Variants in IQSEC1 observed in about 807,000 individuals in gnomAD.
The protein encoded by IQSEC1 is IQ motif and Sec7 domain ArfGEF 1, also known as IQ motif and SEC7 domain-containing protein 1.
IQSEC1 carries 31 observed loss-of-function variants against 91.0 expected under a neutral mutation model. The ratio of observed to expected loss-of-function variants is 0.34; its 90% confidence interval spans 0.26 to 0.46. IQSEC1 has a LOEUF of 0.46. Ranked by LOEUF, IQSEC1 falls within the 20% of genes least tolerant of loss-of-function variation. The probability of loss-of-function intolerance (pLI) is 1.00; values close to 1 mark genes in which losing one functional copy is unlikely to be tolerated. For synonymous variants in IQSEC1, 699 were observed against 662.6 expected, an observed-to-expected ratio of 1.05 and a Z score of -0.84; for missense variants, 1,388 against 1,575.6, an observed-to-expected ratio of 0.88 and a Z score of 2.02.
At chr3:13,243,691 T>C (rs1695060402) in intron 1 of IQSEC1, among the ~76,000 whole-genome samples, 1 of 152,168 alleles carries the variant, frequency 6.6e-6, no homozygotes, top group Non-Finnish European at 1.5e-5. Context: ...ATGCGCTTCC[T>C]CTTCACTGTC....
intron 12 of IQSEC1, among the ~76,000 whole-genome samples, chr3:12,906,764 G>A (rs966230857): frequency 1.3e-5 from 2 of 152,214 alleles, no homozygotes; most frequent in Non-Finnish European, 2.9e-5. Flanking sequence ...GCCCTGGGGC[G>A]GATGGCGCTC....
rs1694105153 is a variant in IQSEC1, at chr3:12,900,320, G to T, written c.*663C>A. The T allele has an allele frequency of 7.1e-6, 7 of 984,470 alleles. No individual in the cohort carries two copies. The highest frequency in any genetic ancestry group is 4.7e-5 in the South Asian group (1 of 21,264). 61.0% of individuals were successfully genotyped at this position (984,470 alleles called of 1,614,324 possible). On this transcript the variant is annotated 3_prime_UTR_variant, in exon 14 of 14. Coordinates refer to ENST00000613206, the MANE Select transcript of IQSEC1 (RefSeq NM_001134382.3). The stretch of plus-strand genomic sequence containing the variant: ...TCTGAATTTGTTCCTAGCATTTAGG[G>T]TTTGGTCTATTGTCTCACACACCCA...
chr3:13,061,737 G>T (rs1306637223), intron 1 of IQSEC1, among the ~76,000 whole-genome samples: 1 of 152,200 alleles, frequency 6.6e-6, no homozygotes, highest in Non-Finnish European at 1.5e-5. Context: ...GCCCCAAACT[G>T]CCAGGCTCTC....
intron 2 of IQSEC1, among the ~76,000 whole-genome samples, chr3:13,091,397 T>C (rs1268466682): frequency 6.6e-6 from 1 of 152,222 alleles, no homozygotes; most frequent in East Asian, 1.9e-4. Flanking sequence ...ATTTGCCGAA[T>C]GAATGAGGGA....
At chr3:13,173,725 T>G (rs533046319) in intron 1 of IQSEC1, among the ~76,000 whole-genome samples, 11 of 152,308 alleles carry the variant, frequency 7.2e-5, no homozygotes, top group African/African-American at 2.6e-4. Context: ...AGGCCATCTC[T>G]CTCCAAGCCT....
chr3:13,082,220 G>C (rs1298146495), intron 2 of IQSEC1, among the ~76,000 whole-genome samples: 1 of 152,230 alleles, frequency 6.6e-6, no homozygotes, highest in East Asian at 1.9e-4. Flanking sequence ...GGTCGGTTGT[G>C]ACAGTCTGAT....
chr3:12,922,038 G>T lies in IQSEC1; in HGVS notation c.1853+82C>A. ...CCTGTCTAGGGATGGTGGGGATGCA[G>T]TCTTTGGTCCATCCTCGGGCCCTGA... On this transcript the variant is annotated intron_variant, in intron 5 of 13. Coordinates refer to ENST00000613206, the MANE Select transcript of IQSEC1 (RefSeq NM_001134382.3). This position sits in a 1 kb window ranked among gnomAD's most constrained non-coding sequence, Gnocchi z 5.1. The T allele has an allele frequency of 6.8e-7, 1 of 1,466,092 alleles. No homozygotes were observed. The highest frequency in any genetic ancestry group is 1.4e-5 in the South Asian group (1 of 73,730). The allele number at this position is 1,466,092 out of a possible 1,614,324, so 90.8% of individuals were successfully genotyped here.
chr3:12,994,778 G>A lies in IQSEC1; in HGVS notation c.24-52913C>T, dbSNP rs538263595. The stretch of plus-strand genomic sequence containing the variant: ...GGGGACGGGGTGGGGACCTGGGCCT[G>A]CCGGTGCCGCCCCCATCCCTCAGCC... On this transcript the variant is annotated intron_variant, in intron 1 of 13. Coordinates refer to ENST00000613206, the MANE Select transcript of IQSEC1 (RefSeq NM_001134382.3). The surrounding 1 kb of genome is among the most constrained non-coding windows in gnomAD (Gnocchi z 4.5). 3.9e-4 allele frequency among the ~76,000 whole-genome samples: 60 copies of A among 152,382 alleles called. No homozygotes were observed. The highest frequency in any genetic ancestry group is 5.7e-4 in the Non-Finnish European group (39 of 68,040).
chr3:13,058,714 C>T (rs112678809), intron 1 of IQSEC1, among the ~76,000 whole-genome samples: 70 of 152,320 alleles, frequency 4.6e-4, no homozygotes, highest in Middle Eastern at 3.4e-3. Flanking sequence ...TCCCATCCCT[C>T]GCCATGCATG....
chr3:13,261,851 G>A lies in IQSEC1; in HGVS notation c.272+20860C>T, dbSNP rs184424487. 3.5e-3 allele frequency among the ~76,000 whole-genome samples: 534 copies of A among 152,314 alleles called. 2 individuals are homozygous for A. The highest frequency in any genetic ancestry group is 0.012 in the African/African-American group (486 of 41,558). On this transcript the variant is annotated intron_variant, in intron 1 of 15. Transcript: ENST00000648114. Reference sequence around the variant, plus strand: ...GTTAGGCAAGACCCTGGGTGGCTGCGTCCCTAGCAGGTGAGCCAGAAGCCA... The same window carrying A: ...GTTAGGCAAGACCCTGGGTGGCTGCATCCCTAGCAGGTGAGCCAGAAGCCA...
At chr3:12,941,514 G>C in intron 2 of IQSEC1, 57 bp downstream of exon 2, 1 of 1,445,264 alleles carries the variant, frequency 6.9e-7, no homozygotes, top group Non-Finnish European at 9.3e-7. Flanking sequence ...GGGCACACAT[G>C]GTGGGCAGAG....
intron 2 of IQSEC1, among the ~76,000 whole-genome samples, chr3:13,095,734 A>C (rs1705943830): frequency 6.6e-6 from 1 of 152,086 alleles, no homozygotes. Context: ...CGGGACGGGC[A>C]ATTTGCAGAG....
intron 1 of IQSEC1, among the ~76,000 whole-genome samples, chr3:13,018,933 A>G (rs1481166525): frequency 1.3e-5 from 2 of 152,154 alleles, no homozygotes; most frequent in African/African-American, 4.8e-5. Flanking sequence ...TTCCCACTTC[A>G]TCACGTTATC....
chr3:13,154,754 T>C (rs1446211098), intron 2 of IQSEC1, among the ~76,000 whole-genome samples: 1 of 151,422 alleles, frequency 6.6e-6, no homozygotes, highest in Admixed American at 6.6e-5. Flanking sequence ...TTTTAGAAAA[T>C]AGCCTACAAA....
At chr3:12,974,974 C>T (rs1021179657) in intron 1 of IQSEC1, among the ~76,000 whole-genome samples, 2 of 152,242 alleles carry the variant, frequency 1.3e-5, no homozygotes, top group African/African-American at 4.8e-5. Flanking sequence ...CTGTGGGCAG[C>T]AGGCCCAGCA....
At position 12,900,967 on chromosome 3, in the gene IQSEC1, C is replaced by T. The variant is rs1463050392; in HGVS notation, c.*16G>A. On this transcript the variant is annotated 3_prime_UTR_variant, in exon 14 of 14. Transcript: ENST00000613206. The stretch of plus-strand genomic sequence containing the variant: ...TGCAGGTGTTTCAGGGAGCCTGGGA[C>T]CCCTACCCAGGCTGTCTACACAATT... 9.1e-6 allele frequency: 14 copies of T among 1,542,142 alleles called. No homozygotes were observed. The highest frequency in any genetic ancestry group is 1.2e-5 in the Non-Finnish European group (14 of 1,146,794).
intron 1 of IQSEC1, among the ~76,000 whole-genome samples, chr3:13,025,401 G>A (rs1703574333): frequency 6.6e-6 from 1 of 152,226 alleles, no homozygotes; most frequent in Non-Finnish European, 1.5e-5. Flanking sequence ...TTGTGAACTT[G>A]GCCTTTGAGG....
chr3:13,077,440 G>A (rs146822676), upstream of IQSEC1, among the ~76,000 whole-genome samples: 9 of 152,294 alleles, frequency 5.9e-5, no homozygotes, highest in East Asian at 3.9e-4. Flanking sequence ...ACTTGTGCAC[G>A]TTTTTAAACT....
At chr3:12,925,953 G>A (rs958064329) in intron 3 of IQSEC1, among the ~76,000 whole-genome samples, 12 of 152,200 alleles carry the variant, frequency 7.9e-5, no homozygotes, top group African/African-American at 2.7e-4. Flanking sequence ...GGCCTCAGAC[G>A]TCCTGCCCAT....
Sources: gnomAD v4.1 joint callset for allele counts (sites outside exome capture counted in the v4.1 genomes callset) on GRCh38, gnomAD v4.1.1 for gene constraint, Gnocchi (gnomAD v3.1) non-coding constraint, MANE v1.5 for transcripts, NCBI Gene and HGNC (gene_info 2026-07-23, HGNC 2026-07-21) for gene names.